MACROD2: variants seen among roughly 807,000 people sequenced by gnomAD.
MACROD2 encodes mono-ADP ribosylhydrolase 2.
Under a neutral mutation model 70.4 loss-of-function variants are expected in MACROD2, and 36 were observed. The ratio of observed to expected loss-of-function variants is 0.51; its 90% confidence interval spans 0.39 to 0.68. The LOEUF is 0.68. Ranked by LOEUF, MACROD2 falls within the 30% of genes least tolerant of loss-of-function variation. MACROD2 has a pLI of 0.00. For synonymous variants in MACROD2, 172 were observed against 178.8 expected, an observed-to-expected ratio of 0.96 and a Z score of 0.30; for missense variants, 496 against 538.4, an observed-to-expected ratio of 0.92 and a Z score of 0.78.
At chr20:14,732,485 A>G (rs1375506890) in intron 5 of MACROD2, among the ~76,000 whole-genome samples, 1 of 152,160 alleles carries the variant, frequency 6.6e-6, no homozygotes, top group African/African-American at 2.4e-5. Flanking sequence ...GAAAAAAATC[A>G]ATAGTGTCCC....
At position 14,173,467 on chromosome 20, in the gene MACROD2, GA is replaced by G. The variant is rs577131534; in HGVS notation, c.271+87740del. ...TGTGTCCTTCATTTCGAGAAGTTGT[GA>G]TTATTTTTTATTTATGCTATCTATT... On this transcript the variant is annotated intron_variant, in intron 3 of 17. Transcript: ENST00000684519. 1.3e-3 allele frequency among the ~76,000 whole-genome samples: 204 copies of G among 152,056 alleles called. 1 individual carries two copies. Among genetic ancestry groups the G allele is most frequent in the African/African-American group, 4.8e-3 (197 of 41,466 alleles).
intron 15 of MACROD2, among the ~76,000 whole-genome samples, chr20:15,993,266 G>A (rs1341262984): frequency 7.6e-6 from 1 of 131,428 alleles, no homozygotes; most frequent in African/African-American, 2.8e-5. Flanking sequence ...GTGTGTGTGT[G>A]TGTATAAAAT....
intron 2 of MACROD2, among the ~76,000 whole-genome samples, chr20:14,016,978 C>T (rs1208587269): frequency 6.6e-6 from 1 of 152,132 alleles, no homozygotes; most frequent in Non-Finnish European, 1.5e-5. Flanking sequence ...AATCCATGAA[C>T]ATGCGATGTC....
chr20:14,903,264 C>A (rs2073919816), intron 5 of MACROD2, among the ~76,000 whole-genome samples: 1 of 152,064 alleles, frequency 6.6e-6, no homozygotes, highest in Non-Finnish European at 1.5e-5. Context: ...TGGTCTCAAA[C>A]TTCTGATCAC....
rs1196290800 is a variant in MACROD2 at position 14,327,068 on chromosome 20, C to T, written c.272-166411C>T. On this transcript the variant is annotated intron_variant, in intron 3 of 17. Transcript: ENST00000684519. Reference sequence around the variant, plus strand: ...TAGTTGCTGTCTCGGAATGCTCCCTCTTCTATGCTAACTGCAGAGACAGAG... The same window carrying T: ...TAGTTGCTGTCTCGGAATGCTCCCTTTTCTATGCTAACTGCAGAGACAGAG... 1 of 1,613,756 alleles carries T rather than the reference C, an allele frequency of 6.2e-7. No individual in the cohort carries two copies. Among genetic ancestry groups the T allele is most frequent in the Admixed American group, 1.7e-5 (1 of 59,978 alleles).
chr20:15,155,889 A>C (rs1240670562), intron 5 of MACROD2, among the ~76,000 whole-genome samples: 1 of 152,032 alleles, frequency 6.6e-6, no homozygotes, highest in Non-Finnish European at 1.5e-5. Flanking sequence ...AATGGCTTTT[A>C]GTGTGTCTCA....
At chr20:15,489,334 T>G (rs1283471106) in intron 7 of MACROD2, among the ~76,000 whole-genome samples, 2 of 152,072 alleles carry the variant, frequency 1.3e-5, no homozygotes, top group African/African-American at 4.8e-5. Context: ...CAGTGCTAAG[T>G]TGAATAAAAT....
At chr20:14,200,093 A>G (rs2081466765) in intron 3 of MACROD2, among the ~76,000 whole-genome samples, 1 of 152,230 alleles carries the variant, frequency 6.6e-6, no homozygotes. Flanking sequence ...AATTATAGTT[A>G]GACTCATAAA....
intron 8 of MACROD2, among the ~76,000 whole-genome samples, chr20:15,844,628 G>A (rs2064209986): frequency 6.6e-6 from 1 of 151,934 alleles, no homozygotes; most frequent in Non-Finnish European, 1.5e-5. Flanking sequence ...ATTTATGAAG[G>A]GTCTTATCTT....
chr20:15,797,739 G>C (rs951057233), intron 8 of MACROD2, among the ~76,000 whole-genome samples: 2 of 152,150 alleles, frequency 1.3e-5, no homozygotes, highest in African/African-American at 4.8e-5. Flanking sequence ...TATTAGCATA[G>C]AGCAATGGTT....
chr20:14,602,355 A>G (rs1272131037), intron 4 of MACROD2, among the ~76,000 whole-genome samples: 2 of 152,190 alleles, frequency 1.3e-5, no homozygotes, highest in Non-Finnish European at 2.9e-5. Context: ...CGCATGTGTT[A>G]AGGGATGGAC....
chr20:14,860,835 C>T (rs776034916), intron 5 of MACROD2, among the ~76,000 whole-genome samples: 3 of 152,066 alleles, frequency 2.0e-5, no homozygotes, highest in Non-Finnish European at 4.4e-5. Flanking sequence ...TCTCACTCCA[C>T]TCTCCAAAAT....
At chr20:14,675,808 CAT>C (rs1373076042) in intron 4 of MACROD2, among the ~76,000 whole-genome samples, 1 of 152,046 alleles carries the variant, frequency 6.6e-6, no homozygotes, top group East Asian at 1.9e-4. Flanking sequence ...AGACCCATCT[CAT>C]GTGCAAAGAC....
At chr20:14,003,690 C>T (rs999124389) in intron 2 of MACROD2, 3 of 481,358 alleles carry the variant, frequency 6.2e-6, no homozygotes, top group African/African-American at 6.0e-5. Context: ...CTAGCCAGTC[C>T]CCACAGTGTA....
intron 5 of MACROD2, among the ~76,000 whole-genome samples, chr20:15,074,109 C>T (rs1321358318): frequency 1.3e-5 from 2 of 152,130 alleles, no homozygotes; most frequent in African/African-American, 2.4e-5. Flanking sequence ...ATTTGGTCTT[C>T]CCTCTGTGTC....
At chr20:14,814,683 A>G (rs1046383410) in intron 5 of MACROD2, among the ~76,000 whole-genome samples, 5 of 152,040 alleles carry the variant, frequency 3.3e-5, no homozygotes, top group African/African-American at 1.2e-4. Context: ...GGTACTTACC[A>G]TGTTCCAGGT....
chr20:15,376,436 C>T (rs1692444581), intron 6 of MACROD2, among the ~76,000 whole-genome samples: 1 of 152,000 alleles, frequency 6.6e-6, no homozygotes, highest in African/African-American at 2.4e-5. Flanking sequence ...ACAGAGCTGC[C>T]TAAAGTTGTA....
At chr20:15,007,568 A>G (rs1048433083) in intron 5 of MACROD2, among the ~76,000 whole-genome samples, 2 of 152,164 alleles carry the variant, frequency 1.3e-5, no homozygotes, top group Non-Finnish European at 2.9e-5. Context: ...CAGGAAACAG[A>G]AACCACTTTA....
intron 15 of MACROD2, among the ~76,000 whole-genome samples, chr20:15,990,608 T>C (rs60481528): frequency 0.015 from 2,331 of 152,284 alleles, 53 homozygotes; most frequent in African/African-American, 0.053. Context: ...AAGTATACTA[T>C]GGTTTAATGT....
Sources: allele counts gnomAD v4.1 joint callset (sites outside exome capture counted in the v4.1 genomes callset), GRCh38; gene constraint gnomAD v4.1.1; transcripts MANE v1.5; gene names NCBI Gene and HGNC (gene_info 2026-07-23, HGNC 2026-07-21).